The following WWOX variants were observed in gnomAD, a reference collection of about 807,000 sequenced individuals.
The protein encoded by WWOX is WW domain-containing oxidoreductase.
Under a neutral mutation model 46.2 loss-of-function variants are expected in WWOX, and 69 were observed. The observed-to-expected ratio is 1.49, with a 90% CI of 1.23 to 1.82. The LOEUF (loss-of-function observed/expected upper bound fraction) is 1.82. Among genes scored for constraint, WWOX ranks in the 40% most tolerant of loss-of-function variants. The pLI is 0.00. For missense variants in WWOX, 919 were observed against 542.6 expected, an observed-to-expected ratio of 1.69 and a Z score of -6.89; for synonymous variants, 359 against 202.6, an observed-to-expected ratio of 1.77 and a Z score of -6.56.
At chr16:78,861,973 C>G (rs1192075064) in intron 8 of WWOX, among the ~76,000 whole-genome samples, 1 of 152,096 alleles carries the variant, frequency 6.6e-6, no homozygotes, top group Admixed American at 6.5e-5. Flanking sequence ...GTAGGAGTCT[C>G]TGGAGAAATT....
chr16:78,267,065 C>A, intron 5 of WWOX: 2 of 162,976 alleles, frequency 1.2e-5, no homozygotes, highest in South Asian at 3.9e-4. Context: ...TTTCTCTTGC[C>A]ACCAGCATGT....
rs34478911 is a variant in WWOX at position 79,044,241 on chromosome 16, CA to C, written c.1057-167363del. ...CTTCAGGGAGAAGGAAAGTTACCAT[CA>C]AAATCCGTCGTTGAAAGTATTGAAG... On this transcript the variant is annotated intron_variant, in intron 8 of 8. Coordinates refer to ENST00000566780, the MANE Select transcript of WWOX (RefSeq NM_016373.4). 1.9e-3 allele frequency among the ~76,000 whole-genome samples: 291 copies of C among 152,322 alleles called. 2 individuals are homozygous for C. Among genetic ancestry groups the C allele is most frequent in the African/African-American group, 6.6e-3 (276 of 41,566 alleles).
In WWOX at chr16:78,313,658, G is replaced by T. The variant is rs140909806; in HGVS notation, c.517-73202G>T. Among the ~76,000 whole-genome samples the T allele has an allele frequency of 6.6e-3, 998 of 152,232 alleles. 9 individuals are homozygous for T. Among genetic ancestry groups the T allele is most frequent in the South Asian group, 0.025 (122 of 4,812 alleles). ...TGGGATTACGGGCATGAGCCACTGC[G>T]TCAGGCCTATTGTTTTTCCTACGTA... On this transcript the variant is annotated intron_variant, in intron 5 of 8. Transcript: ENST00000566780.
intron 4 of WWOX, among the ~76,000 whole-genome samples, chr16:78,135,693 AC>A (rs1438365131): frequency 2.6e-5 from 4 of 151,656 alleles, no homozygotes; most frequent in East Asian, 3.9e-4. Context: ...TGAAAAAAAA[AC>A]AAAACAACAA....
intron 8 of WWOX, among the ~76,000 whole-genome samples, chr16:79,171,698 C>G (rs982264777): frequency 2.0e-5 from 3 of 152,098 alleles, no homozygotes; most frequent in East Asian, 3.9e-4. Flanking sequence ...TTTTTATCAT[C>G]CAATCAGCAG....
chr16:78,191,504 T>A (rs1253747051), intron 5 of WWOX, among the ~76,000 whole-genome samples: 1 of 152,198 alleles, frequency 6.6e-6, no homozygotes, highest in Non-Finnish European at 1.5e-5. Context: ...TTTAGGAAGT[T>A]GCATTTAAAA....
chr16:78,440,704 C>T (rs537146949), intron 8 of WWOX, among the ~76,000 whole-genome samples: 6 of 151,844 alleles, frequency 4.0e-5, no homozygotes, highest in South Asian at 2.1e-4. Flanking sequence ...GCAACCTCCG[C>T]GCCTCCCCAG....
At chr16:78,427,308 G>A (rs544815277) in intron 7 of WWOX, among the ~76,000 whole-genome samples, 1 of 152,198 alleles carries the variant, frequency 6.6e-6, no homozygotes, top group African/African-American at 2.4e-5. Context: ...TCTTCACTGT[G>A]TTTTAGTTAC....
At chr16:79,074,130 C>T (rs907255665) in intron 8 of WWOX, among the ~76,000 whole-genome samples, 6 of 152,094 alleles carry the variant, frequency 3.9e-5, no homozygotes, top group Admixed American at 2.0e-4. Context: ...AGAATGTTGA[C>T]GTTAAAGCAG....
chr16:78,253,873 C>T (rs1003762488), intron 5 of WWOX, among the ~76,000 whole-genome samples: 7 of 152,080 alleles, frequency 4.6e-5, no homozygotes, highest in Admixed American at 1.3e-4. Flanking sequence ...TACATGCTTT[C>T]GGCATACACT....
At chr16:78,604,699 C>G (rs2045703147) in intron 8 of WWOX, among the ~76,000 whole-genome samples, 2 of 14,530 alleles carry the variant, frequency 1.4e-4, no homozygotes, top group African/African-American at 3.1e-4. Context: ...CTCCCTCCTT[C>G]CCCCCTCCCT....
intron 5 of WWOX, among the ~76,000 whole-genome samples, chr16:78,242,237 A>G (rs963002070): frequency 1.2e-4 from 18 of 152,200 alleles, no homozygotes; most frequent in African/African-American, 4.3e-4. Context: ...TATTAGACAT[A>G]ATTCTGGATA....
At chr16:78,648,094 A>T (rs1410467078) in intron 8 of WWOX, among the ~76,000 whole-genome samples, 4 of 152,252 alleles carry the variant, frequency 2.6e-5, no homozygotes. Flanking sequence ...GAGAAGATGA[A>T]GCCAGAGAGA....
chr16:79,086,230 G>C (rs370090636), intron 8 of WWOX, among the ~76,000 whole-genome samples: 136 of 152,240 alleles, frequency 8.9e-4, no homozygotes, highest in African/African-American at 3.2e-3. Context: ...AATGTTAATT[G>C]AGCATTTTCT....
chr16:78,356,093 A>AAAAAAAAG (rs2081282672), intron 5 of WWOX, among the ~76,000 whole-genome samples: 1 of 65,528 alleles, frequency 1.5e-5, no homozygotes, highest in Non-Finnish European at 3.3e-5. Context: ...AAAAAAAAAA[A>AAAAAAAAG]GAAGAATCGA....
chr16:78,175,248 G>A (rs966868648), intron 5 of WWOX, among the ~76,000 whole-genome samples: 1 of 152,066 alleles, frequency 6.6e-6, no homozygotes, highest in Non-Finnish European at 1.5e-5. Context: ...TCTGGAGCTA[G>A]TCCCTGACCC....
chr16:79,170,646 C>G (rs149848303), intron 8 of WWOX, among the ~76,000 whole-genome samples: 24 of 148,796 alleles, frequency 1.6e-4, no homozygotes, highest in East Asian at 8.2e-4. Flanking sequence ...ATGGAACTCA[C>G]TTTCACAGTC....
At chr16:78,958,819 G>T (rs2046219290) in intron 8 of WWOX, among the ~76,000 whole-genome samples, 1 of 152,124 alleles carries the variant, frequency 6.6e-6, no homozygotes, top group Non-Finnish European at 1.5e-5. Flanking sequence ...TGGGCACAGG[G>T]GAAGGAAGGT....
At chr16:78,562,865 G>T (rs914137744) in intron 8 of WWOX, among the ~76,000 whole-genome samples, 1 of 152,136 alleles carries the variant, frequency 6.6e-6, no homozygotes, top group Non-Finnish European at 1.5e-5. Context: ...ATAGCTGAGC[G>T]ACGTCGGAGC....
Sources: allele counts gnomAD v4.1 joint callset (sites outside exome capture counted in the v4.1 genomes callset), GRCh38; gene constraint gnomAD v4.1.1; transcripts MANE v1.5; gene names NCBI Gene and HGNC (gene_info 2026-07-23, HGNC 2026-07-21).